MTHFD1L: variants seen among roughly 807,000 people sequenced by gnomAD.
MTHFD1L encodes monofunctional C1-tetrahydrofolate synthase, mitochondrial.
Under a neutral mutation model 119.5 loss-of-function variants are expected in MTHFD1L, and 81 were observed. The observed-to-expected ratio is 0.68, with a 90% CI of 0.57 to 0.82. The LOEUF is 0.82. Ranked by LOEUF, MTHFD1L falls within the 40% of genes least tolerant of loss-of-function variation. The pLI is 0.00. For synonymous variants in MTHFD1L, 430 were observed against 475.2 expected, an observed-to-expected ratio of 0.90 and a Z score of 1.24; for missense variants, 1,125 against 1,253.4, an observed-to-expected ratio of 0.90 and a Z score of 1.55.
At chr6:150,874,673 T>C (rs1295190074) in intron 1 of MTHFD1L, among the ~76,000 whole-genome samples, 2 of 152,192 alleles carry the variant, frequency 1.3e-5, no homozygotes, top group African/African-American at 4.8e-5. Context: ...CCAGTGCTCA[T>C]GTGCTGCTGA....
At chr6:151,081,533 A>G (rs900190715) in intron 26 of MTHFD1L, among the ~76,000 whole-genome samples, 1 of 150,248 alleles carries the variant, frequency 6.7e-6, no homozygotes, top group Admixed American at 6.6e-5. Flanking sequence ...ATAGCCAGGC[A>G]TGGTGGCACA....
At chr6:151,067,731 C>T (rs4869713) in intron 26 of MTHFD1L, among the ~76,000 whole-genome samples, 72,912 of 152,194 alleles carry the variant, frequency 0.48, 19,154 homozygotes, top group East Asian at 0.7. Context: ...TATACAAATG[C>T]ATATCTCCTC....
At chr6:150,887,613 G>A (rs977985382) in intron 6 of MTHFD1L, among the ~76,000 whole-genome samples, 11 of 152,086 alleles carry the variant, frequency 7.2e-5, no homozygotes, top group Non-Finnish European at 1.0e-4. Flanking sequence ...GTGCCATGAC[G>A]CCTGGCTAAT....
chr6:150,891,594 A>T (rs866995648), intron 7 of MTHFD1L, among the ~76,000 whole-genome samples: 1 of 149,660 alleles, frequency 6.7e-6, no homozygotes, highest in Middle Eastern at 3.6e-3. Flanking sequence ...TTCCATGCAA[A>T]TGAAGTAAAA....
chr6:151,034,538 G>A lies in MTHFD1L; in HGVS notation c.2632G>A (p.Gly878Arg). Residue 878 changes from glycine to arginine, a missense_variant, in exon 25 of 28, where the codon GGA becomes AGA. Physicochemically the swap from Gly to Arg is moderately radical, Grantham distance 125 (BLOSUM62 -2). Transcript: ENST00000367321. ...KIRTIAQAVYGAKDIELSPEA... is the reference protein window; with the variant it reads ...KIRTIAQAVYRAKDIELSPEA... Reference sequence around the variant, plus strand: ...AAGGACCATTGCTCAGGCTGTCTATGGAGCCAAAGATATTGAACTCTCTCC... The same window carrying A: ...AAGGACCATTGCTCAGGCTGTCTATAGAGCCAAAGATATTGAACTCTCTCC... 2.5e-6 allele frequency: 4 copies of A among 1,611,870 alleles called. No homozygotes were observed. The highest frequency in any genetic ancestry group is 3.4e-6 in the Non-Finnish European group (4 of 1,179,770).
chr6:151,094,232 C>T (rs892903373), intron 27 of MTHFD1L, among the ~76,000 whole-genome samples: 2 of 152,206 alleles, frequency 1.3e-5, no homozygotes, highest in Admixed American at 6.5e-5. Context: ...AGCATATTCT[C>T]GGCCTTTGCA....
chr6:151,029,534 C>T lies in MTHFD1L; in HGVS notation c.2587-4959C>T, dbSNP rs568128877. 5.9e-5 allele frequency among the ~76,000 whole-genome samples: 9 copies of T among 152,040 alleles called. No individual in the cohort carries two copies. The South Asian group carries it at 1.9e-3, about 32-fold the overall frequency. On this transcript the variant is annotated intron_variant, in intron 24 of 27. Transcript: ENST00000367321. ...AAATCAGGCCAGGCACAGTGGCTCACGCCTGTAATCCCAGCACTTTGGGAG... is the reference window on the plus strand; with the variant it reads ...AAATCAGGCCAGGCACAGTGGCTCATGCCTGTAATCCCAGCACTTTGGGAG...
rs887586257 is a variant in MTHFD1L at position 150,888,836 on chromosome 6, A to G, written c.780+855A>G. Among the ~76,000 whole-genome samples the G allele has an allele frequency of 1.8e-4, 28 of 152,338 alleles. 1 individual carries two copies. In the Middle Eastern group the frequency reaches 0.017, roughly 93 times the overall value. On this transcript the variant is annotated intron_variant, in intron 7 of 27. Transcript: ENST00000367321. The stretch of plus-strand genomic sequence containing the variant: ...CAGAAGAAAGTGGAAATTTATGCAT[A>G]TATGGAAGCTTGAGAGCAGGTACCA...
chr6:151,037,498 A>C (rs1235763228), intron 26 of MTHFD1L, among the ~76,000 whole-genome samples: 1 of 152,188 alleles, frequency 6.6e-6, no homozygotes, highest in Non-Finnish European at 1.5e-5. Flanking sequence ...TGCTCACACC[A>C]GACAGGATCT....
intron 26 of MTHFD1L, among the ~76,000 whole-genome samples, chr6:151,065,109 T>C (rs1791093533): frequency 6.6e-6 from 1 of 152,226 alleles, no homozygotes; most frequent in African/African-American, 2.4e-5. Flanking sequence ...CGGCCACTAT[T>C]CTTAAGTGAC....
chr6:150,907,586 C>T (rs945885105), intron 8 of MTHFD1L, among the ~76,000 whole-genome samples: 1 of 152,152 alleles, frequency 6.6e-6, no homozygotes, highest in African/African-American at 2.4e-5. Context: ...CATGGCTGAC[C>T]GGAAACCACG....
At chr6:151,099,344 G>A (rs1795157401) in intron 27 of MTHFD1L, among the ~76,000 whole-genome samples, 1 of 151,958 alleles carries the variant, frequency 6.6e-6, no homozygotes, top group Non-Finnish European at 1.5e-5. Context: ...CTAGTCCACT[G>A]AGCCCACCCT....
chr6:150,885,514 T>C, intron 5 of MTHFD1L, 120 bp from the exon 6 acceptor site: 1 of 701,558 alleles, frequency 1.4e-6, no homozygotes, highest in Non-Finnish European at 2.4e-6. Flanking sequence ...TTCATTTTTA[T>C]GTATTCTGTC....
chr6:150,958,807 C>T (rs12205249), intron 17 of MTHFD1L, among the ~76,000 whole-genome samples: 43,071 of 151,956 alleles, frequency 0.28, 6,409 homozygotes, highest in East Asian at 0.49. Flanking sequence ...CCGCTATGCA[C>T]GTCATTTAGT....
intron 24 of MTHFD1L, among the ~76,000 whole-genome samples, chr6:151,025,067 T>G (rs943796893): frequency 1.3e-5 from 2 of 152,240 alleles, no homozygotes. Flanking sequence ...TGTGGATTTC[T>G]TACTATTTCA....
chr6:150,989,301 G>A (rs1309329783), intron 20 of MTHFD1L, among the ~76,000 whole-genome samples: 1 of 152,132 alleles, frequency 6.6e-6, no homozygotes, highest in Non-Finnish European at 1.5e-5. Flanking sequence ...CTGAAAAACT[G>A]AAACTAATGT....
intron 8 of MTHFD1L, among the ~76,000 whole-genome samples, chr6:150,916,493 TTTTTTTGGTA>T (rs1787941074): frequency 2.1e-5 from 1 of 48,736 alleles, no homozygotes; most frequent in Non-Finnish European, 4.0e-5. Context: ...TTTTTTTTTT[TTTTTTTGGTA>T]TTTTTAGTAG....
chr6:151,063,288 T>C (rs890627988), intron 26 of MTHFD1L, among the ~76,000 whole-genome samples: 11 of 152,210 alleles, frequency 7.2e-5, no homozygotes, highest in African/African-American at 2.7e-4. Flanking sequence ...TAAAACTTAA[T>C]GGTAGACTGT....
intron 26 of MTHFD1L, among the ~76,000 whole-genome samples, chr6:151,049,530 C>T (rs1024704787): frequency 1.0e-4 from 15 of 149,160 alleles, no homozygotes; most frequent in Admixed American, 6.0e-4. Context: ...GGTGTGGTGG[C>T]GGGCTCCTGT....
Sources: allele counts gnomAD v4.1 joint callset (sites outside exome capture counted in the v4.1 genomes callset), GRCh38; gene constraint gnomAD v4.1.1; transcripts MANE v1.5; gene names NCBI Gene and HGNC (gene_info 2026-07-23, HGNC 2026-07-21).